Variants in CLVS1 observed in about 807,000 individuals in gnomAD.
CLVS1 encodes the protein clavesin-1.
In CLVS1, 10 loss-of-function variants were observed where a neutral mutation model predicts 33.1. That is an observed-to-expected ratio of 0.30 (90% CI 0.19 to 0.51). The LOEUF is 0.51. Ranked by LOEUF, CLVS1 falls within the 20% of genes least tolerant of loss-of-function variation. The pLI, the probability that CLVS1 is intolerant of heterozygous loss-of-function variation, is 0.97. For synonymous variants in CLVS1, 163 were observed against 166.1 expected (o/e 0.98, Z 0.14); for missense variants, 343 against 433.4 (o/e 0.79, Z 1.85).
At chr8:61,427,873 C>T (rs774050968) in intron 3 of CLVS1, among the ~76,000 whole-genome samples, 1 of 152,200 alleles carries the variant, frequency 6.6e-6, no homozygotes, top group Non-Finnish European at 1.5e-5. Flanking sequence ...ACCTTTGTGC[C>T]TTCCATTGCA....
chr8:61,198,395 T>A (rs1013550905), intron 2 of CLVS1, among the ~76,000 whole-genome samples: 3 of 152,180 alleles, frequency 2.0e-5, no homozygotes, highest in Non-Finnish European at 4.4e-5. Flanking sequence ...TTTCTTCTTT[T>A]TTGAGAGGGA....
intron 2 of CLVS1, among the ~76,000 whole-genome samples, chr8:61,356,432 G>A (rs1436590541): frequency 6.6e-6 from 1 of 151,666 alleles, no homozygotes; most frequent in Non-Finnish European, 1.5e-5. Context: ...GATCCCATTT[G>A]TCAATTTTGG....
intron 2 of CLVS1, among the ~76,000 whole-genome samples, chr8:61,305,757 G>A (rs1333792849): frequency 2.0e-5 from 3 of 151,994 alleles, no homozygotes; most frequent in African/African-American, 7.3e-5. Flanking sequence ...CCCTTTATGT[G>A]TCCATGTGTT....
At chr8:61,396,149 G>T (rs1283617218) in intron 3 of CLVS1, among the ~76,000 whole-genome samples, 1 of 152,030 alleles carries the variant, frequency 6.6e-6, no homozygotes, top group African/African-American at 2.4e-5. Context: ...GCTTTGATTT[G>T]GGACTTCATT....
the CLVS1 span, among the ~76,000 whole-genome samples, chr8:61,005,896 C>T: frequency 5.3e-5 from 8 of 152,088 alleles, no homozygotes; most frequent in Non-Finnish European, 1.2e-4. Flanking sequence ...CCAGCCGAGG[C>T]GGGGGAGTCG....
rs376327951 is a variant in CLVS1, at chr8:61,090,935, G to A, written c.-243+33705G>A. ...GGGGACCTTGAAATGGGGAATGTGCGTGAATCTTTAAGGATCAGAGGGTAG... is the reference window on the plus strand; with the variant it reads ...GGGGACCTTGAAATGGGGAATGTGCATGAATCTTTAAGGATCAGAGGGTAG... On this transcript the variant is annotated intron_variant, in intron 1 of 2. Transcript: ENST00000522621. 30 of 518,260 alleles carry A rather than the reference G, an allele frequency of 5.8e-5. No individual in the cohort carries two copies. The Middle Eastern group carries it at 9.5e-4, about 16-fold the overall frequency. The allele number at this position is 518,260 out of a possible 1,614,324, so 32.1% of individuals were successfully genotyped here.
intron 2 of CLVS1, among the ~76,000 whole-genome samples, chr8:61,333,774 G>A (rs891862139): frequency 2.6e-5 from 4 of 152,128 alleles, no homozygotes; most frequent in African/African-American, 9.7e-5. Context: ...CTTGTGTCAT[G>A]GGGGTGTCAG....
At chr8:61,255,237 G>A (rs77891824) in intron 2 of CLVS1, among the ~76,000 whole-genome samples, 1,810 of 152,288 alleles carry the variant, frequency 0.012, 45 homozygotes, top group African/African-American at 0.042. Context: ...GATTTCCAGA[G>A]TGTTGGGGTG....
chr8:61,232,028 T>TTTTTTTTTG (rs1808449780), intron 2 of CLVS1, among the ~76,000 whole-genome samples: 7 of 114,792 alleles, frequency 6.1e-5, no homozygotes, highest in African/African-American at 2.4e-4. Context: ...TTGTGGTTTT[T>TTTTTTTTTG]TTTTTTTTTT....
the CLVS1 span, among the ~76,000 whole-genome samples, chr8:61,034,874 T>C: frequency 2.7e-5 from 4 of 150,226 alleles, no homozygotes; most frequent in Non-Finnish European, 5.9e-5. Flanking sequence ...GATCAAACTA[T>C]AATAAACAAC....
chr8:61,405,703 CTTTTTTT>C (rs775749517), intron 3 of CLVS1, among the ~76,000 whole-genome samples: 7 of 124,816 alleles, frequency 5.6e-5, no homozygotes, highest in African/African-American at 2.1e-4. Context: ...GTGGAACTGA[CTTTTTTT>C]TTTTTTTTTT....
chr8:61,408,578 C>G (rs568852214), intron 3 of CLVS1, among the ~76,000 whole-genome samples: 1 of 152,128 alleles, frequency 6.6e-6, no homozygotes, highest in Non-Finnish European at 1.5e-5. Flanking sequence ...ATCTACTTAG[C>G]TGTATTTAGG....
At chr8:61,150,101 G>GGGGTGTGT (rs1554540381) in intron 2 of CLVS1, among the ~76,000 whole-genome samples, 1 of 146,438 alleles carries the variant, frequency 6.8e-6, no homozygotes, top group South Asian at 2.2e-4. Flanking sequence ...ATTTGAGAAA[G>GGGGTGTGT]GTGTGTGTGT....
intron 2 of CLVS1, among the ~76,000 whole-genome samples, chr8:61,318,015 A>C (rs531681687): frequency 1.3e-5 from 2 of 152,338 alleles, no homozygotes; most frequent in African/African-American, 4.8e-5. Context: ...TACTGAAGTA[A>C]GGGACTGTAG....
At chr8:61,495,099 T>G (rs1010119991) in intron 5 of CLVS1, among the ~76,000 whole-genome samples, 4 of 152,224 alleles carry the variant, frequency 2.6e-5, no homozygotes, top group African/African-American at 7.2e-5. Flanking sequence ...GAAGAAATCA[T>G]GTAGATCCCA....
intron 1 of CLVS1, among the ~76,000 whole-genome samples, chr8:61,119,356 C>T (rs1285242609): frequency 6.6e-6 from 1 of 151,402 alleles, no homozygotes; most frequent in South Asian, 2.1e-4. Flanking sequence ...TTAATTGGAG[C>T]ATTTAGTCCA....
In CLVS1 at chr8:61,501,200, A is replaced by AGAT. The variant is rs1378074880; in HGVS notation, c.*1659_*1661dup. 1 of 147,012 alleles carries AGAT rather than the reference A, an allele frequency of 6.8e-6. No homozygotes were observed. Among genetic ancestry groups the AGAT allele is most frequent in the East Asian group, 1.9e-4 (1 of 5,206 alleles). 9.1% of individuals were successfully genotyped at this position (147,012 alleles called of 1,614,324 possible). A position where few individuals can be genotyped will look rare whatever the true frequency, so the allele number is the denominator to read the frequency against. ...ACACTTTTCTTATGTACCAAGACAT[A>AGAT]GATAGGTAAGAGAAATAAAGAATTG... On this transcript the variant is annotated 3_prime_UTR_variant, in exon 6 of 6. Transcript: ENST00000325897.
At chr8:61,373,454 T>C (rs1813519128) in intron 2 of CLVS1, among the ~76,000 whole-genome samples, 1 of 152,210 alleles carries the variant, frequency 6.6e-6, no homozygotes, top group African/African-American at 2.4e-5. Context: ...GGTTGTGGTC[T>C]CCAAAATGCA....
At chr8:61,195,376 C>G (rs529042151) in intron 2 of CLVS1, among the ~76,000 whole-genome samples, 4 of 151,546 alleles carry the variant, frequency 2.6e-5, no homozygotes, top group Non-Finnish European at 4.4e-5. Flanking sequence ...ACATTTTCTC[C>G]CACTTTTAAA....
Sources: allele counts gnomAD v4.1 joint callset (sites outside exome capture counted in the v4.1 genomes callset), GRCh38; gene constraint gnomAD v4.1.1; transcripts MANE v1.5; gene names NCBI Gene and HGNC (gene_info 2026-07-23, HGNC 2026-07-21).